Variants in SULT1A1 observed in about 807,000 individuals in gnomAD.
The protein encoded by SULT1A1 is sulfotransferase 1A1.
A neutral mutation model predicts 36.8 loss-of-function variants in SULT1A1; 35 were observed. That is an observed-to-expected ratio of 0.95 (90% CI 0.73 to 1.26). The LOEUF (loss-of-function observed/expected upper bound fraction) is 1.26, where lower values mean the gene tolerates loss of function less well. SULT1A1 is among the 50% of genes most tolerant of loss of function. The pLI, the probability that SULT1A1 is intolerant of heterozygous loss-of-function variation, is 0.00. For synonymous variants in SULT1A1, 119 were observed against 146.0 expected (o/e 0.82, Z 1.33); for missense variants, 309 against 383.0 (o/e 0.81, Z 1.61).
In SULT1A1 at chr16:28,606,167, A is replaced by G. The variant is rs779350745; in HGVS notation, c.664T>C (p.Phe222Leu). ...TTGAACGACGTGTGCTGAACCACGA[A>G]GTCCACGGTCTCCTCTGGCAGGGAG... ...GRSLPEETVD[F>L]VVQHTSFKEM... Residue 222 changes from phenylalanine to leucine, a missense_variant, in exon 7 of 8, where the codon TTC (phenylalanine) becomes CTC (leucine). This residue lies in a region of SULT1A1 where 67 missense variants were observed against 122.0 expected (regional missense o/e 0.55). Transcript: ENST00000314752. 9.0e-5 allele frequency: 145 copies of G among 1,611,648 alleles called. 7 individuals are homozygous for G. Among genetic ancestry groups the G allele is most frequent in the Non-Finnish European group, 1.1e-4 (131 of 1,178,238 alleles).
In SULT1A1 at chr16:28,606,944, A is replaced by G; in HGVS notation, c.499+7T>C. The G allele has an allele frequency of 6.2e-7, 1 of 1,612,458 alleles. No individual in the cohort carries two copies. The highest frequency in any genetic ancestry group is 8.5e-7 in the Non-Finnish European group (1 of 1,178,668). On this transcript the variant is annotated splice_region_variant and intron_variant, in intron 5 of 7. Coordinates refer to ENST00000314752, the MANE Select transcript of SULT1A1 (RefSeq NM_001055.4). ...CTCCACACTTTCCTTCCTCCCATCA[A>G]ACCCACCTTCTCCGACCATGAACTT...
At chr16:28,619,761 T>TATCCATAC (rs1195931067) in intron 2 of SULT1A1, among the ~76,000 whole-genome samples, 3 of 149,580 alleles carry the variant, frequency 2.0e-5, no homozygotes, top group Non-Finnish European at 4.4e-5. Flanking sequence ...CATATATATA[T>TATCCATAC]ATAGACACAC....
chr16:28,622,542 G>C (rs1384493339), intron 1 of SULT1A1, among the ~76,000 whole-genome samples: 1 of 152,130 alleles, frequency 6.6e-6, no homozygotes, highest in Non-Finnish European at 1.5e-5. Flanking sequence ...AGCAGGACTA[G>C]GCCCCTGGGC....
upstream of SULT1A1, chr16:28,610,290 T>TTC (rs1567312461): frequency 6.7e-6 from 7 of 1,046,524 alleles, no homozygotes; most frequent in South Asian, 4.7e-5. Flanking sequence ...TTTTTTTTTT[T>TTC]CCGAGCTGTC....
chr16:28,623,002 G>C, intron 1 of SULT1A1: 2 of 1,276,464 alleles, frequency 1.6e-6, no homozygotes, highest in Non-Finnish European at 2.1e-6. Flanking sequence ...TCCGGTCTCA[G>C]AGCCCCGGCT....
chr16:28,608,645 C>T (rs201211261), intron 2 of SULT1A1, 42 bp from the exon 3 acceptor site: 277 of 1,610,876 alleles, frequency 1.7e-4, no homozygotes, highest in Non-Finnish European at 2.1e-4. Context: ...GCTGAGGGCA[C>T]GACCTCGCTG....
At chr16:28,616,432 G>A (rs1369927158) in intron 2 of SULT1A1, among the ~76,000 whole-genome samples, 4 of 151,976 alleles carry the variant, frequency 2.6e-5, no homozygotes, top group East Asian at 1.9e-4. Context: ...GATTACAGGC[G>A]TGCGCCACCA....
At chr16:28,609,574 C>A in intron 1 of SULT1A1, 1 of 435,104 alleles carries the variant, frequency 2.3e-6, no homozygotes, top group South Asian at 2.0e-5. Flanking sequence ...TTGCAAGACC[C>A]CATCTCTAAA....
At position 28,608,791 on chromosome 16, in the gene SULT1A1, T is replaced by C. The variant is rs143603811; in HGVS notation, c.65A>G (p.Lys22Arg). The change falls in exon 2 of 8, where the codon AAG becomes AGG. Residue 22 changes from lysine (K) to arginine (R), a missense_variant. Physicochemically the swap from Lys to Arg is conservative, Grantham distance 26. Transcript: ENST00000314752. ...GGGCCCCAGTGCCTCTGCAAAGTAC[T>C]TGATGAGCGGGACCCCCTTCACGTA... ...LEYVKGVPLI[K>R]YFAEALGPLQ... 532 of 1,612,200 alleles carry C rather than the reference T, an allele frequency of 3.3e-4. 3 individuals are homozygous for C. The highest frequency in any genetic ancestry group is 3.3e-3 in the Middle Eastern group (17 of 5,208).
At chr16:28,622,745 G>A (rs1347136983) in intron 1 of SULT1A1, among the ~76,000 whole-genome samples, 1 of 152,098 alleles carries the variant, frequency 6.6e-6, no homozygotes, top group Non-Finnish European at 1.5e-5. Context: ...CTTGAACTGG[G>A]ATCTCCTTTA....
rs187414312 is a variant in SULT1A1 at position 28,615,746 on chromosome 16, G to T, written c.138+4317C>A. 3.4e-4 allele frequency among the ~76,000 whole-genome samples: 52 copies of T among 152,342 alleles called. 1 individual carries two copies. In the South Asian group the frequency reaches 9.7e-3, roughly 29 times the overall value. ...TTGGATACAAGGCTGAAGGGTCAGGGTAAAGAATGTGAGTCACCTCCAATG... is the reference window on the plus strand; with the variant it reads ...TTGGATACAAGGCTGAAGGGTCAGGTTAAAGAATGTGAGTCACCTCCAATG... On this transcript the variant is annotated intron_variant, in intron 2 of 5. Transcript: ENST00000350842.
At chr16:28,615,818 T>C (rs1246557263) in intron 2 of SULT1A1, among the ~76,000 whole-genome samples, 2 of 152,224 alleles carry the variant, frequency 1.3e-5, no homozygotes, top group Non-Finnish European at 2.9e-5. Context: ...AGGGGGCCCT[T>C]CCCTGCCTGG....
Position 28,609,954 on chromosome 16 carries a change from C to T in SULT1A1, c.-28G>A, listed in dbSNP as rs1278253478. The T allele has an allele frequency of 3.7e-5, 48 of 1,288,002 alleles. No individual in the cohort carries two copies. The highest frequency in any genetic ancestry group is 4.6e-5 in the Admixed American group (2 of 43,394). The allele number at this position is 1,288,002 out of a possible 1,614,324, so 79.8% of individuals were successfully genotyped here. The stretch of plus-strand genomic sequence containing the variant: ...ACCTGAGCTCTTGGGAACCTGGCCT[C>T]GTGCCCTCCTCGCCCGCAGTGGCTG... On this transcript the variant is annotated 5_prime_UTR_variant, in exon 1 of 8. Coordinates refer to ENST00000314752, the MANE Select transcript of SULT1A1 (RefSeq NM_001055.4).
intron 2 of SULT1A1, 46 bp from the exon 3 acceptor site, chr16:28,608,649 C>G (rs767919405): frequency 6.2e-7 from 1 of 1,611,230 alleles, no homozygotes; most frequent in Non-Finnish European, 8.5e-7. Context: ...AGGGCACGAC[C>G]TCGCTGGCCA....
rs760293838 is a variant in SULT1A1 at position 28,608,355 on chromosome 16, C to T, written c.308G>A (p.Arg103Gln). ...CAGGGGCAGGTGTGTCTTCAGGAGT[C>T]GTGGGGCCGGTGTGTCTTTCAGAGT... Reference protein sequence around the residue: ...METLKDTPAPRLLKTHLPLAL... With the variant: ...METLKDTPAPQLLKTHLPLAL... Residue 103 changes from arginine to glutamine, a missense_variant, in exon 4 of 8, where the codon CGA becomes CAA. Physicochemically the swap from Arg to Gln is conservative, Grantham distance 43. This residue lies in a region of SULT1A1 where 219 missense variants were observed against 215.3 expected (regional missense o/e 1.02). Transcript: ENST00000314752. The T allele has an allele frequency of 1.4e-5, 23 of 1,612,194 alleles. No homozygotes were observed. The highest frequency in any genetic ancestry group is 3.3e-4 in the Middle Eastern group (2 of 6,072).
chr16:28,623,291 G>A, exon 1 of SULT1A1: 1 of 1,539,314 alleles, frequency 6.5e-7, no homozygotes. Context: ...ACGTGGCCAC[G>A]CGCCGCGTCT....
intron 2 of SULT1A1, among the ~76,000 whole-genome samples, chr16:28,615,406 C>G: frequency 7.3e-6 from 1 of 137,568 alleles, no homozygotes; most frequent in African/African-American, 2.7e-5. Context: ...GGCATGGAGC[C>G]TGGGGGCAGC....
chr16:28,608,968 C>A, intron 1 of SULT1A1, 109 bp from the exon 2 acceptor site: 1 of 1,597,120 alleles, frequency 6.3e-7, no homozygotes, highest in Non-Finnish European at 8.5e-7. Flanking sequence ...GGCTGAGTGA[C>A]TTGCCCGCAC....
chr16:28,623,117 C>CCA (rs1567320877), intron 1 of SULT1A1: 1 of 1,544,298 alleles, frequency 6.5e-7, no homozygotes, highest in African/African-American at 1.4e-5. Context: ...CAGGTTCCCC[C>CCA]CCCGGCCCCT....
Sources: allele counts gnomAD v4.1 joint callset (sites outside exome capture counted in the v4.1 genomes callset), GRCh38; gene constraint gnomAD v4.1.1; regional missense constraint gnomAD v4.1.1; transcripts MANE v1.5; gene names NCBI Gene and HGNC (gene_info 2026-07-23, HGNC 2026-07-21).